Variants in AKT3 observed in about 807,000 individuals in gnomAD.
AKT3 encodes the protein RAC-gamma serine/threonine-protein kinase.
Under a neutral mutation model 65.3 loss-of-function variants are expected in AKT3, and 15 were observed. That is an observed-to-expected ratio of 0.23 (90% CI 0.15 to 0.35). The LOEUF (loss-of-function observed/expected upper bound fraction) is 0.35. AKT3 is among the 10% of genes least tolerant of loss of function. The probability of loss-of-function intolerance (pLI) is 1.00; values close to 1 mark genes in which losing one functional copy is unlikely to be tolerated. For missense variants in AKT3, 243 were observed against 576.5 expected (o/e 0.42, Z 5.92); for synonymous variants, 206 against 183.8 (o/e 1.12, Z -0.98).
Position 243,824,321 on chromosome 1 carries a change from A to G in AKT3, c.46+18804T>C, listed in dbSNP as rs566037855. 5.7e-4 allele frequency among the ~76,000 whole-genome samples: 87 copies of G among 152,344 alleles called. 4 individuals carry two copies. The South Asian group carries it at 0.018, about 31-fold the overall frequency. ...CTATAAAAACTCTAGAAGAAAATCTAGGCAATTCCATTCAGGACACAGGCA... is the reference window on the plus strand; with the variant it reads ...CTATAAAAACTCTAGAAGAAAATCTGGGCAATTCCATTCAGGACACAGGCA... On this transcript the variant is annotated intron_variant, in intron 2 of 13. Coordinates refer to ENST00000673466, the MANE Select transcript of AKT3 (RefSeq NM_005465.7).
rs563178514 is a variant in AKT3, at chr1:243,583,411, C to T, written c.697-10363G>A. Reference sequence around the variant, plus strand: ...ACACATTCTGGACTTAAACTCAACACTTGACCAACTGAACCTGAAAAACAT... The same window carrying T: ...ACACATTCTGGACTTAAACTCAACATTTGACCAACTGAACCTGAAAAACAT... On this transcript the variant is annotated intron_variant, in intron 8 of 13. Coordinates refer to ENST00000673466, the MANE Select transcript of AKT3 (RefSeq NM_005465.7). Among the ~76,000 whole-genome samples the T allele has an allele frequency of 6.6e-5, 10 of 151,026 alleles. No homozygotes were observed. In the South Asian group the frequency reaches 1.9e-3, roughly 28 times the overall value.
At chr1:243,729,659 T>C (rs1020947914) in intron 2 of AKT3, among the ~76,000 whole-genome samples, 2 of 152,168 alleles carry the variant, frequency 1.3e-5, no homozygotes, top group African/African-American at 4.8e-5. Flanking sequence ...TCCTTAATGA[T>C]ATGGGAAAAC....
chr1:243,599,726 T>C (rs1676876265), intron 8 of AKT3, among the ~76,000 whole-genome samples: 1 of 152,112 alleles, frequency 6.6e-6, no homozygotes, highest in South Asian at 2.1e-4. Flanking sequence ...GCTAACAACA[T>C]GGTTAATGGT....
At chr1:243,820,772 T>G (rs1429304965) in intron 2 of AKT3, among the ~76,000 whole-genome samples, 1 of 152,118 alleles carries the variant, frequency 6.6e-6, no homozygotes, top group Non-Finnish European at 1.5e-5. Context: ...CTCTGAGAAC[T>G]ATGGGATTAT....
chr1:243,528,387 T>TG (rs1365178067), intron 12 of AKT3, among the ~76,000 whole-genome samples: 3 of 152,090 alleles, frequency 2.0e-5, no homozygotes, highest in Non-Finnish European at 4.4e-5. Context: ...CTGCATATCA[T>TG]GGGGGGGTTT....
At chr1:243,822,357 AAC>A (rs1693904816) in intron 2 of AKT3, among the ~76,000 whole-genome samples, 1 of 152,112 alleles carries the variant, frequency 6.6e-6, no homozygotes, top group South Asian at 2.1e-4. Context: ...CTAACATCAC[AAC>A]TAAAAGAACT....
chr1:243,644,222 G>T (rs1410294503), intron 5 of AKT3, among the ~76,000 whole-genome samples: 1 of 152,042 alleles, frequency 6.6e-6, no homozygotes, highest in Non-Finnish European at 1.5e-5. Context: ...AAATTATGCA[G>T]ATATTCTCTT....
chr1:243,678,438 T>C (rs562819814), intron 3 of AKT3, among the ~76,000 whole-genome samples: 1 of 152,312 alleles, frequency 6.6e-6, no homozygotes, highest in African/African-American at 2.4e-5. Context: ...GAAAATCTCA[T>C]CTTAAATCTC....
At chr1:243,539,262 G>A (rs1672132337) in intron 12 of AKT3, among the ~76,000 whole-genome samples, 1 of 152,056 alleles carries the variant, frequency 6.6e-6, no homozygotes, top group African/African-American at 2.4e-5. Context: ...ACAACGAGGA[G>A]GAAGACCTTT....
At chr1:243,736,975 A>G (rs1687882731) in intron 2 of AKT3, among the ~76,000 whole-genome samples, 2 of 152,154 alleles carry the variant, frequency 1.3e-5, no homozygotes, top group Admixed American at 6.5e-5. Flanking sequence ...TCTTTCCAGC[A>G]TCATTTCTCA....
intron 2 of AKT3, among the ~76,000 whole-genome samples, chr1:243,724,238 T>C (rs1001414182): frequency 2.1e-5 from 3 of 145,794 alleles, no homozygotes; most frequent in African/African-American, 5.1e-5. Flanking sequence ...TCTAGAAAAA[T>C]TGAGGGGAAA....
intron 2 of AKT3, among the ~76,000 whole-genome samples, chr1:243,795,453 T>TGTG (rs1336021101): frequency 8.6e-6 from 1 of 116,930 alleles, no homozygotes; most frequent in African/African-American, 4.1e-5. Flanking sequence ...CTCCTTGTTT[T>TGTG]TTTTTTTTGT....
Position 243,583,412 on chromosome 1 carries a change from T to C in AKT3, c.697-10364A>G, listed in dbSNP as rs146946816. ...CACATTCTGGACTTAAACTCAACAC[T>C]TGACCAACTGAACCTGAAAAACATC... On this transcript the variant is annotated intron_variant, in intron 8 of 13. Coordinates refer to ENST00000673466, the MANE Select transcript of AKT3 (RefSeq NM_005465.7). Among the ~76,000 whole-genome samples, 69 of 150,702 alleles carry C rather than the reference T, an allele frequency of 4.6e-4. No individual in the cohort carries two copies. In the East Asian group the frequency reaches 0.013, roughly 28 times the overall value.
chr1:243,496,957 G>T (rs781585724), downstream of AKT3, among the ~76,000 whole-genome samples: 1 of 152,154 alleles, frequency 6.6e-6, no homozygotes, highest in African/African-American at 2.4e-5. Flanking sequence ...GCGCCCTGTC[G>T]CCCCCCTCTG....
chr1:243,687,613 T>C (rs1423246899), intron 3 of AKT3: 3 of 151,866 alleles, frequency 2.0e-5, no homozygotes, highest in African/African-American at 7.3e-5. Context: ...ACACTTTTTC[T>C]GTTTTTTTTT....
At chr1:243,791,077 C>T (rs779125526) in intron 2 of AKT3, among the ~76,000 whole-genome samples, 1 of 152,110 alleles carries the variant, frequency 6.6e-6, no homozygotes, top group Non-Finnish European at 1.5e-5. Context: ...GATAGACTGG[C>T]TCGACTCAAG....
intron 2 of AKT3, among the ~76,000 whole-genome samples, chr1:243,755,183 C>T (rs1689054116): frequency 6.6e-6 from 1 of 151,964 alleles, no homozygotes. Context: ...ATTCTCATGC[C>T]TCAGCCTCCA....
intron 2 of AKT3, among the ~76,000 whole-genome samples, chr1:243,743,575 TAAC>T (rs1013994348): frequency 2.7e-4 from 41 of 152,198 alleles, no homozygotes; most frequent in African/African-American, 9.4e-4. Context: ...TTTTAGAAAA[TAAC>T]TAATTTACAA....
intron 9 of AKT3, among the ~76,000 whole-genome samples, chr1:243,564,475 C>G (rs1196963552): frequency 6.6e-6 from 1 of 151,856 alleles, no homozygotes; most frequent in Non-Finnish European, 1.5e-5. Context: ...AAAGTTGGAC[C>G]CTCTTTGAAC....
Sources: gnomAD v4.1 joint callset for allele counts (sites outside exome capture counted in the v4.1 genomes callset) on GRCh38, gnomAD v4.1.1 for gene constraint, MANE v1.5 for transcripts, NCBI Gene and HGNC (gene_info 2026-07-23, HGNC 2026-07-21) for gene names.